Variants in TP63 observed in about 807,000 individuals in gnomAD.
TP63 encodes the protein tumor protein p63.
A neutral mutation model predicts 82.8 loss-of-function variants in TP63; 17 were observed. The observed-to-expected ratio is 0.21, with a 90% CI of 0.14 to 0.31. The LOEUF (loss-of-function observed/expected upper bound fraction) is 0.31, where lower values mean the gene tolerates loss of function less well. Among genes scored for constraint, TP63 ranks in the 10% least tolerant of loss-of-function variants. The probability of loss-of-function intolerance (pLI) is 1.00; values close to 1 mark genes in which losing one functional copy is unlikely to be tolerated. For synonymous variants in TP63, 330 were observed against 321.7 expected (o/e 1.03, Z -0.28); for missense variants, 648 against 895.3 (o/e 0.72, Z 3.52).
At chr3:189,729,837 G>T (rs746835793) in intron 1 of TP63, among the ~76,000 whole-genome samples, 5 of 152,118 alleles carry the variant, frequency 3.3e-5, no homozygotes, top group African/African-American at 9.7e-5. Flanking sequence ...AGTCCTCCAG[G>T]GTCCTTGGGC....
chr3:189,620,516 AC>A, the TP63 span, among the ~76,000 whole-genome samples: 31,964 of 112,800 alleles, frequency 0.28, 5,652 homozygotes, highest in Non-Finnish European at 0.35. Context: ...CAAAAAAAAA[AC>A]AAAAAAAAAA....
At chr3:189,717,417 C>T (rs1719042646) in intron 1 of TP63, among the ~76,000 whole-genome samples, 1 of 152,128 alleles carries the variant, frequency 6.6e-6, no homozygotes, top group Admixed American at 6.6e-5. Flanking sequence ...AACACAATAA[C>T]TTTGAATAAT....
chr3:189,688,642 C>T (rs945029030), intron 1 of TP63, among the ~76,000 whole-genome samples: 1 of 152,076 alleles, frequency 6.6e-6, no homozygotes, highest in Non-Finnish European at 1.5e-5. Flanking sequence ...GGGTTTATGG[C>T]CAGAAAGATT....
chr3:189,673,736 C>T (rs757769778), intron 1 of TP63, among the ~76,000 whole-genome samples: 2 of 151,980 alleles, frequency 1.3e-5, no homozygotes, highest in Non-Finnish European at 2.9e-5. Context: ...GGAATCACAA[C>T]TCAATTCAAT....
At chr3:189,885,660 T>C (rs993470341) in intron 10 of TP63, among the ~76,000 whole-genome samples, 2 of 152,250 alleles carry the variant, frequency 1.3e-5, no homozygotes, top group African/African-American at 4.8e-5. Flanking sequence ...ACTTTCCAAA[T>C]TGAAGATCAT....
intron 3 of TP63, among the ~76,000 whole-genome samples, chr3:189,779,808 T>A (rs998388992): frequency 1.3e-5 from 2 of 152,130 alleles, no homozygotes; most frequent in Non-Finnish European, 2.9e-5. Flanking sequence ...CTTCACAGAC[T>A]TATTATATGG....
At chr3:189,808,149 A>C in intron 3 of TP63, 123 bp from the exon 4 acceptor site, 1 of 1,523,682 alleles carries the variant, frequency 6.6e-7, no homozygotes, top group African/African-American at 1.4e-5. Context: ...TTTACTTTGA[A>C]TGTGAAGTGC....
intron 13 of TP63, among the ~76,000 whole-genome samples, chr3:189,892,490 A>T (rs1176041010): frequency 6.6e-6 from 1 of 152,194 alleles, no homozygotes; most frequent in Non-Finnish European, 1.5e-5. Context: ...TCCAAGAAAC[A>T]TAAAAAGCTA....
At chr3:189,694,019 T>G (rs2108726652) in intron 1 of TP63, among the ~76,000 whole-genome samples, 1 of 152,272 alleles carries the variant, frequency 6.6e-6, no homozygotes, top group South Asian at 2.1e-4. Flanking sequence ...CTATCTGAGG[T>G]TTAAGAGGTA....
rs891314770 is a variant in TP63, at chr3:189,869,196, G to A, written c.1130-128G>A. 10 of 756,276 alleles carry A rather than the reference G, an allele frequency of 1.3e-5. No individual in the cohort carries two copies. In the African/African-American group the frequency reaches 1.6e-4, roughly 12 times the overall value. 46.8% of individuals were successfully genotyped at this position (756,276 alleles called of 1,614,324 possible). A position where few individuals can be genotyped will look rare whatever the true frequency, so the allele number is the denominator to read the frequency against. On this transcript the variant is annotated intron_variant, in intron 8 of 13. Coordinates refer to ENST00000264731, the MANE Select transcript of TP63 (RefSeq NM_003722.5). ...GCCTCTAATCTTACATGTGTTGCTG[G>A]TACTACTGTCTTTTTAATATGTATA...
At chr3:189,750,645 A>G (rs1721746112) in intron 3 of TP63, among the ~76,000 whole-genome samples, 1 of 152,168 alleles carries the variant, frequency 6.6e-6, no homozygotes, top group Non-Finnish European at 1.5e-5. Context: ...AAAAGGTAAT[A>G]AAACGTTGGA....
rs755677647 is a variant in TP63 at position 189,738,752 on chromosome 3, C to T, written c.302C>T (p.Ser101Leu). 3.1e-6 allele frequency: 5 copies of T among 1,614,008 alleles called. No homozygotes were observed. The highest frequency in any genetic ancestry group is 2.7e-5 in the African/African-American group (2 of 74,932). ...ATGGACTGTATCCGCATGCAGGACT[C>T]GGACCTGAGTGACCCCATGTGGGTG... is the stretch of plus-strand genomic sequence containing the variant. ...ISMDCIRMQD[S>L]DLSDPMWPQY... The change falls in exon 3 of 14, where the codon TCG becomes TTG. Residue 101 changes from serine (S) to leucine (L), a missense_variant. Transcript: ENST00000264731.
chr3:189,826,827 C>T (rs796720942), intron 4 of TP63, among the ~76,000 whole-genome samples: 6 of 152,226 alleles, frequency 3.9e-5, no homozygotes, highest in African/African-American at 1.4e-4. Context: ...TAGTTGAAGG[C>T]CCCATACTAT....
At chr3:189,643,037 T>C (rs1270253823) in intron 1 of TP63, among the ~76,000 whole-genome samples, 1 of 138,964 alleles carries the variant, frequency 7.2e-6, no homozygotes, top group East Asian at 2.0e-4. Flanking sequence ...GTTTTGTTCT[T>C]GTCGCCCAGG....
chr3:189,672,479 G>A (rs1714973166), intron 1 of TP63, among the ~76,000 whole-genome samples: 1 of 151,962 alleles, frequency 6.6e-6, no homozygotes, highest in South Asian at 2.1e-4. Flanking sequence ...GCACATGACT[G>A]TAGTCCCAGC....
chr3:189,608,435 G>C, the TP63 span, among the ~76,000 whole-genome samples: 1 of 152,034 alleles, frequency 6.6e-6, no homozygotes, highest in Admixed American at 6.6e-5. Flanking sequence ...TGATAAACTG[G>C]GATTTCTGAG....
Position 189,894,596 on chromosome 3 carries a change from C to G in TP63, c.*94C>G, listed in dbSNP as rs560454294. ...CTTCAAAGCCTTCTCCCTAGCTCCT[C>G]CCCTTCCTCTTGTCTGATTTCTTAG... is the stretch of plus-strand genomic sequence containing the variant. On this transcript the variant is annotated 3_prime_UTR_variant, in exon 14 of 14. Coordinates refer to ENST00000264731, the MANE Select transcript of TP63 (RefSeq NM_003722.5). The G allele has an allele frequency of 1.4e-6, 2 of 1,449,288 alleles. No individual in the cohort carries two copies. Among genetic ancestry groups the G allele is most frequent in the East Asian group, 4.8e-5 (2 of 41,528 alleles). The allele number at this position is 1,449,288 out of a possible 1,614,324, so 89.8% of individuals were successfully genotyped here.
intron 1 of TP63, among the ~76,000 whole-genome samples, chr3:189,636,738 C>T (rs948365461): frequency 1.3e-5 from 2 of 151,934 alleles, no homozygotes; most frequent in African/African-American, 4.8e-5. Flanking sequence ...ATTATTTGCC[C>T]AATTTTTGGT....
At chr3:189,888,886 C>T (rs1487653771) in intron 11 of TP63, among the ~76,000 whole-genome samples, 1 of 152,162 alleles carries the variant, frequency 6.6e-6, no homozygotes, top group Non-Finnish European at 1.5e-5. Context: ...CAGATTTGTG[C>T]ATTTATCCAC....
Sources: allele counts gnomAD v4.1 joint callset (sites outside exome capture counted in the v4.1 genomes callset), GRCh38; gene constraint gnomAD v4.1.1; transcripts MANE v1.5; gene names NCBI Gene and HGNC (gene_info 2026-07-23, HGNC 2026-07-21).